CHD4: variants seen among roughly 807,000 people sequenced by gnomAD.
CHD4 encodes the protein ATP-dependent chromatin remodeler CHD4.
CHD4 carries 35 observed loss-of-function variants against 235.5 expected under a neutral mutation model. The observed-to-expected ratio is 0.15, with a 90% CI of 0.11 to 0.20. CHD4 has a LOEUF of 0.20. CHD4 is among the 10% of genes least tolerant of loss of function. The pLI is 1.00. For missense variants in CHD4, 1,329 were observed against 2,432.3 expected (o/e 0.55, Z 9.54); for synonymous variants, 900 against 850.2 (o/e 1.06, Z -1.02).
Position 6,596,087 on chromosome 12 carries a change from G to A in CHD4, c.1943C>T (p.Pro648Leu), listed in dbSNP as rs1404806824. 6.2e-7 allele frequency: 1 copy of A among 1,614,048 alleles called. No individual in the cohort carries two copies. The change falls in exon 13 of 40, where the codon CCT becomes CTT. Residue 648 changes from proline to leucine, a missense_variant. Physicochemically the swap from Pro to Leu is moderately conservative, Grantham distance 98. Around this residue, in one of 26 missense-constraint regions of CHD4, gnomAD observed 121 missense variants for 177.8 expected, o/e 0.68. Transcript: ENST00000544040. ...ACTCTCCCAAGAAGCCTGATCGTAA[G>A]GTAAGTCCCGCCACTTGATCAAGTA... ...VHYLIKWRDL[P>L]YDQASWESED...
intron 33 of CHD4, chr12:6,580,684 G>C: frequency 1.9e-5 from 3 of 161,934 alleles, no homozygotes; most frequent in East Asian, 1.3e-4. Context: ...TCCAGCCTGG[G>C]CAACGAGTAA....
chr12:6,570,826 G>A (rs1008073780), intron 39 of CHD4, 43 bp downstream of exon 39: 10 of 1,612,934 alleles, frequency 6.2e-6, no homozygotes, highest in East Asian at 2.2e-5. Flanking sequence ...GCTCCAGAAT[G>A]GTTCTGCAGG....
At position 6,597,377 on chromosome 12, in the gene CHD4, G is replaced by C. The variant is rs1478080191; in HGVS notation, c.1892+517C>G. ...ACACTTTGGGAAGCTGAAGCAGACA[G>C]ATTGCTTGAGCCCAGGAGTTTGGGA... On this transcript the variant is annotated intron_variant, in intron 12 of 39. Coordinates refer to ENST00000544040, the MANE Select transcript of CHD4 (RefSeq NM_001273.5). 3.9e-5 allele frequency among the ~76,000 whole-genome samples: 6 copies of C among 152,212 alleles called. No individual in the cohort carries two copies. The East Asian group carries it at 1.2e-3, about 29-fold the overall frequency.
chr12:6,585,930 T>G (rs912864190), intron 25 of CHD4, among the ~76,000 whole-genome samples: 3 of 151,598 alleles, frequency 2.0e-5, no homozygotes, highest in Non-Finnish European at 4.4e-5. Context: ...AAACCCCGTT[T>G]CTACTAAAAC....
rs894533104 is a variant in CHD4 at position 6,602,240 on chromosome 12, G to C, written c.223-65C>G. On this transcript the variant is annotated intron_variant, in intron 3 of 39. Transcript: ENST00000544040. ...ACATGCTACACACATGCTGACCTCA[G>C]GACAGCCCTGAGGCTCATCCCCAGA... The C allele has an allele frequency of 3.7e-6, 6 of 1,601,428 alleles. No individual in the cohort carries two copies. The African/African-American group carries it at 8.1e-5, about 22-fold the overall frequency.
intron 25 of CHD4, 102 bp from the exon 26 acceptor site, chr12:6,583,480 G>A: frequency 4.9e-6 from 5 of 1,023,150 alleles, no homozygotes; most frequent in Non-Finnish European, 7.2e-6. Flanking sequence ...TTTCATGACT[G>A]GACTCTTAAA....
At position 6,597,902 on chromosome 12, in the gene CHD4, G is replaced by T; in HGVS notation, c.1884C>A (p.Leu628=). Reference sequence around the variant, plus strand: ...GTGTGCTCAGCTGGTACCTGTGGTTGAGGATTCGGTGGATCATCATCCACT... The same window carrying T: ...GTGTGCTCAGCTGGTACCTGTGGTTTAGGATTCGGTGGATCATCATCCACT... ...KPEWMMIHRI[L]NHSVDKKGHV... Residue 628 remains leucine, a synonymous_variant, in exon 12 of 40, where the codon CTC becomes CTA. Transcript: ENST00000544040. 1 of 1,614,180 alleles carries T rather than the reference G, an allele frequency of 6.2e-7. No homozygotes were observed. The highest frequency in any genetic ancestry group is 2.2e-5 in the East Asian group (1 of 44,890).
At position 6,593,223 on chromosome 12, in the gene CHD4, C is replaced by T. The variant is rs538710424; in HGVS notation, c.2520G>A (p.Glu840=). 645 of 1,614,082 alleles carry T rather than the reference C, an allele frequency of 4.0e-4. 7 individuals carry two copies. In the South Asian group the frequency reaches 6.4e-3, roughly 16 times the overall value. Residue 840 remains glutamate, a synonymous_variant, in exon 17 of 40, where the codon GAG becomes GAA. Coordinates refer to ENST00000544040, the MANE Select transcript of CHD4 (RefSeq NM_001273.5). The surrounding 1 kb of genome is among the most constrained non-coding windows in gnomAD (Gnocchi z 4.9). ...GCAGCACATGGAATTTCACAGATGC[C>T]TCTTTCTGCACATGAAGGCAACTTG... ...GGKKASRMKK[E]ASVKFHVLLT...
At chr12:6,602,723 C>T (rs538046757) in intron 2 of CHD4, among the ~76,000 whole-genome samples, 4 of 152,318 alleles carry the variant, frequency 2.6e-5, no homozygotes, top group East Asian at 3.9e-4. Flanking sequence ...AGGCCCACCT[C>T]GGGCAGCTGT....
chr12:6,594,674 A>G (rs1481861747), intron 14 of CHD4, 24 bp from the exon 15 acceptor site: 1 of 1,600,190 alleles, frequency 6.2e-7, no homozygotes, highest in Admixed American at 1.7e-5. Flanking sequence ...CAGAGAAGTC[A>G]AGAGCTGGCA....
intron 19 of CHD4, 30 bp from the exon 20 acceptor site, chr12:6,592,087 G>C: frequency 6.2e-7 from 1 of 1,613,366 alleles, no homozygotes; most frequent in Non-Finnish European, 8.5e-7. Flanking sequence ...AGACAGGTTA[G>C]ACTTGAGAGC....
chr12:6,594,183 C>G (rs929176073), intron 15 of CHD4, among the ~76,000 whole-genome samples: 4 of 152,106 alleles, frequency 2.6e-5, no homozygotes, highest in African/African-American at 9.7e-5. Context: ...CCTCAACACA[C>G]AATCATTCCC....
At chr12:6,572,392 C>T (rs1947989937) in intron 38 of CHD4, among the ~76,000 whole-genome samples, 1 of 150,740 alleles carries the variant, frequency 6.6e-6, no homozygotes, top group African/African-American at 2.4e-5. Flanking sequence ...CACCACTGCA[C>T]TCCAGCCTGG....
rs991912009 is a variant in CHD4, at chr12:6,580,934, G to C, written c.4909+110C>G. 13 of 1,204,772 alleles carry C rather than the reference G, an allele frequency of 1.1e-5. No individual in the cohort carries two copies. The African/African-American group carries it at 1.8e-4, about 17-fold the overall frequency. The allele number at this position is 1,204,772 out of a possible 1,614,324, so 74.6% of individuals were successfully genotyped here. ...AGGCAGGAGAATCGCTCGAACCTGG[G>C]AGGTGGAGGTTGCAGTAAGCCAAGA... On this transcript the variant is annotated intron_variant, in intron 33 of 39. Transcript: ENST00000544040.
In CHD4 at chr12:6,598,370, G is replaced by A; in HGVS notation, c.1538C>T (p.Pro513Leu). The A allele has an allele frequency of 6.2e-7, 1 of 1,613,824 alleles. No homozygotes were observed. Among genetic ancestry groups the A allele is most frequent in the African/African-American group, 1.3e-5 (1 of 75,032 alleles). Residue 513 changes from proline to leucine, a missense_variant, in exon 11 of 40, where the codon CCA becomes CTA. Pro to Leu is a moderately conservative substitution (Grantham distance 98). Coordinates refer to ENST00000544040, the MANE Select transcript of CHD4 (RefSeq NM_001273.5). Reference protein sequence around the residue: ...QKILIWKWGQPPSPTPVPRPP... With the variant: ...QKILIWKWGQLPSPTPVPRPP... ...CCGAGGCACTGGTGTGGGAGATGGT[G>A]GCTGACCCCACTTCCAGATTAGGAT... is the stretch of plus-strand genomic sequence containing the variant.
At position 6,597,885 on chromosome 12, in the gene CHD4, A is replaced by T. The variant is rs1436372426; in HGVS notation, c.1892+9T>A. ...GAGACTGCCCGTCTCCCGTGTGCTC[A>T]GCTGGTACCTGTGGTTGAGGATTCG... is the stretch of plus-strand genomic sequence containing the variant. On this transcript the variant is annotated intron_variant, in intron 12 of 39. Transcript: ENST00000544040. The T allele has an allele frequency of 6.2e-7, 1 of 1,613,802 alleles. No individual in the cohort carries two copies. The highest frequency in any genetic ancestry group is 1.3e-5 in the African/African-American group (1 of 74,930).
At chr12:6,583,810 A>C in intron 25 of CHD4, 1 of 155,574 alleles carries the variant, frequency 6.4e-6, no homozygotes, top group Non-Finnish European at 1.4e-5. Flanking sequence ...TATTCTTCAT[A>C]AACTTCATAA....
Position 6,587,426 on chromosome 12 carries a change from T to C in CHD4, c.3837A>G (p.Ser1279=). 1.9e-6 allele frequency: 3 copies of C among 1,612,888 alleles called. No homozygotes were observed. The highest frequency in any genetic ancestry group is 2.5e-6 in the Non-Finnish European group (3 of 1,178,788). Residue 1279 remains serine, a synonymous_variant, in exon 25 of 40, where the codon TCA becomes TCG. Transcript: ENST00000544040. ...ELQGMNEYLS[S]FKVAQYVVRE... ...GTACCACATACTGGGCCACTTTGAATGAGCTCAAATATTCATTCATGCCCT... is the reference window on the plus strand; with the variant it reads ...GTACCACATACTGGGCCACTTTGAACGAGCTCAAATATTCATTCATGCCCT...
chr12:6,603,997 A>G (rs185982137), intron 2 of CHD4, among the ~76,000 whole-genome samples: 5 of 152,248 alleles, frequency 3.3e-5, no homozygotes, highest in Admixed American at 1.3e-4. Context: ...GAATATCCCA[A>G]TCGGGTGCAA....
Sources: allele counts gnomAD v4.1 joint callset (sites outside exome capture counted in the v4.1 genomes callset), GRCh38; gene constraint gnomAD v4.1.1; regional missense constraint gnomAD v4.1.1; non-coding constraint Gnocchi (gnomAD v3.1); transcripts MANE v1.5; gene names NCBI Gene and HGNC (gene_info 2026-07-23, HGNC 2026-07-21).